EVC2: variants seen among roughly 807,000 people sequenced by gnomAD.
The protein encoded by EVC2 is limbin.
In EVC2, 148 loss-of-function variants were observed where a neutral mutation model predicts 149.3. That is an observed-to-expected ratio of 0.99 (90% CI 0.87 to 1.14). The LOEUF is 1.14. EVC2 is among the 50% of genes most tolerant of loss of function. The pLI, the probability that EVC2 is intolerant of heterozygous loss-of-function variation, is 0.00. For missense variants in EVC2, 1,854 were observed against 1,627.3 expected, an observed-to-expected ratio of 1.14 and a Z score of -2.40; for synonymous variants, 776 against 649.9, an observed-to-expected ratio of 1.19 and a Z score of -2.95.
chr4:5,688,098 G>C (rs749456027), intron 5 of EVC2, among the ~76,000 whole-genome samples: 2 of 152,112 alleles, frequency 1.3e-5, no homozygotes, highest in Non-Finnish European at 2.9e-5. Context: ...AGCACTGAAG[G>C]TCACTTAGCT....
intron 20 of EVC2, among the ~76,000 whole-genome samples, chr4:5,566,386 G>A (rs1369409008): frequency 6.6e-6 from 1 of 152,166 alleles, no homozygotes; most frequent in African/African-American, 2.4e-5. Context: ...AGAGAAGGGC[G>A]GTCTTCTGAA....
At chr4:5,698,319 C>A (rs571256706) in intron 1 of EVC2, among the ~76,000 whole-genome samples, 15 of 152,244 alleles carry the variant, frequency 9.9e-5, no homozygotes, top group African/African-American at 3.6e-4. Context: ...CAAGATCCTG[C>A]AAGTTTCCAG....
intron 7 of EVC2, among the ~76,000 whole-genome samples, chr4:5,680,659 G>T (rs1720279213): frequency 6.6e-6 from 1 of 152,176 alleles, no homozygotes; most frequent in African/African-American, 2.4e-5. Flanking sequence ...CATCTGAAAT[G>T]GCAGAGATTT....
At chr4:5,604,758 T>C (rs956294201) in intron 16 of EVC2, among the ~76,000 whole-genome samples, 1 of 152,116 alleles carries the variant, frequency 6.6e-6, no homozygotes, top group Non-Finnish European at 1.5e-5. Flanking sequence ...CTAAATACCC[T>C]GACTTGACCA....
the EVC2 span, among the ~76,000 whole-genome samples, chr4:5,534,795 G>C: frequency 0.014 from 2,058 of 142,082 alleles, 32 homozygotes; most frequent in African/African-American, 0.05. Flanking sequence ...CAGTGGTCTG[G>C]CACTTAGCAT....
At chr4:5,535,234 C>A in the EVC2 span, among the ~76,000 whole-genome samples, 5 of 152,264 alleles carry the variant, frequency 3.3e-5, no homozygotes, top group African/African-American at 1.2e-4. The surrounding 1 kb of genome is among the most constrained non-coding windows in gnomAD (Gnocchi z 4.7). Context: ...GGAGGCTGGA[C>A]CCCCGAACGT....
At chr4:5,577,250 A>G (rs1223725966) in intron 17 of EVC2, among the ~76,000 whole-genome samples, 2 of 152,230 alleles carry the variant, frequency 1.3e-5, no homozygotes, top group Non-Finnish European at 2.9e-5. Flanking sequence ...CTGAAATTGC[A>G]GTCTTAACCA....
intron 16 of EVC2, among the ~76,000 whole-genome samples, chr4:5,612,921 CCAAAAAAAAAA>C (rs199592934): frequency 0.18 from 12,592 of 69,006 alleles, 1,187 homozygotes; most frequent in African/African-American, 0.44. Flanking sequence ...GACTCTGTCT[CCAAAAAAAAAA>C]AAAAAAAAAA....
intron 16 of EVC2, among the ~76,000 whole-genome samples, chr4:5,589,284 T>G (rs1057428577): frequency 4.6e-5 from 7 of 152,252 alleles, no homozygotes; most frequent in African/African-American, 1.7e-4. Flanking sequence ...TGATGTCCTC[T>G]GAATTGAGGC....
intron 7 of EVC2, among the ~76,000 whole-genome samples, chr4:5,666,761 C>T (rs970200294): frequency 1.3e-5 from 2 of 152,118 alleles, no homozygotes; most frequent in African/African-American, 4.8e-5. Flanking sequence ...TTTCTTGGAT[C>T]CCATTTCTTC....
At position 5,576,272 on chromosome 4, in the gene EVC2, CT is replaced by C. The variant is rs1291275281; in HGVS notation, c.3239del (p.Lys1080ArgfsTer13). 6.2e-7 allele frequency: 1 copy of C among 1,614,170 alleles called. No homozygotes were observed. The highest frequency in any genetic ancestry group is 8.5e-7 in the Non-Finnish European group (1 of 1,180,028). ...VSTVLHQALSKSQTLLEQHQQ... is the reference protein window; with the variant it reads ...VSTVLHQALSXSQTLLEQHQQ... ...GATGTTGCTCCAGTAATGTCTGGCT[CT>C]TGCTCAGGGCTTGGTGCAGGACAGT... On this transcript the variant is annotated frameshift_variant, in exon 18 of 22. Coordinates refer to ENST00000344408, the MANE Select transcript of EVC2 (RefSeq NM_147127.5). LOFTEE classifies it high-confidence loss of function. The surrounding 1 kb of genome is among the most constrained non-coding windows in gnomAD (Gnocchi z 4.5).
At chr4:5,658,320 G>C (rs945081993) in intron 9 of EVC2, among the ~76,000 whole-genome samples, 3 of 152,202 alleles carry the variant, frequency 2.0e-5, no homozygotes, top group Non-Finnish European at 4.4e-5. Context: ...CCTTGGATGA[G>C]TTGTTTAACT....
chr4:5,604,193 C>T (rs554709175), intron 16 of EVC2, among the ~76,000 whole-genome samples: 1 of 152,234 alleles, frequency 6.6e-6, no homozygotes, highest in East Asian at 1.9e-4. Context: ...CCTAAATATC[C>T]AGTAGTTGAG....
At chr4:5,638,903 T>A (rs1717099473) in intron 10 of EVC2, among the ~76,000 whole-genome samples, 1 of 152,142 alleles carries the variant, frequency 6.6e-6, no homozygotes, top group African/African-American at 2.4e-5. Context: ...ATTTTGGACG[T>A]CTGGCCTCCA....
intron 10 of EVC2, among the ~76,000 whole-genome samples, chr4:5,639,859 A>AT (rs35448080): frequency 0.29 from 44,813 of 152,048 alleles, 6,890 homozygotes; most frequent in South Asian, 0.51. Context: ...ATAATGTCTC[A>AT]TTTTTTACGT....
chr4:5,616,911 C>T (rs112392685), intron 15 of EVC2, among the ~76,000 whole-genome samples: 76 of 152,306 alleles, frequency 5.0e-4, no homozygotes, highest in African/African-American at 1.7e-3. Flanking sequence ...TCACTCCTGC[C>T]GGGACTCACC....
At chr4:5,584,534 T>C (rs1712092976) in intron 17 of EVC2, 89 bp downstream of exon 17, 1 of 1,323,128 alleles carries the variant, frequency 7.6e-7, no homozygotes, top group Non-Finnish European at 1.1e-6. Flanking sequence ...AGGACGGGGG[T>C]TGCAGCCTGT....
intron 13 of EVC2, among the ~76,000 whole-genome samples, chr4:5,623,815 C>A (rs1211856397): frequency 6.6e-6 from 1 of 152,198 alleles, no homozygotes; most frequent in Non-Finnish European, 1.5e-5. Flanking sequence ...TCTGCGCCTC[C>A]ATTTCCCTAT....
chr4:5,572,414 T>G (rs1722694807), intron 19 of EVC2, among the ~76,000 whole-genome samples: 1 of 152,228 alleles, frequency 6.6e-6, no homozygotes, highest in African/African-American at 2.4e-5. Flanking sequence ...AAGAATGGGA[T>G]TAGTGTCTTA....
Sources: gnomAD v4.1 joint callset for allele counts (sites outside exome capture counted in the v4.1 genomes callset) on GRCh38, gnomAD v4.1.1 for gene constraint, Gnocchi (gnomAD v3.1) non-coding constraint, MANE v1.5 for transcripts, NCBI Gene and HGNC (gene_info 2026-07-23, HGNC 2026-07-21) for gene names.